SH3GL2: variants seen among roughly 807,000 people sequenced by gnomAD.
SH3GL2 encodes endophilin-A1.
SH3GL2 carries 24 observed loss-of-function variants against 46.0 expected under a neutral mutation model. The observed-to-expected ratio is 0.52, with a 90% CI of 0.38 to 0.73. The LOEUF (loss-of-function observed/expected upper bound fraction) is 0.73. Among genes scored for constraint, SH3GL2 ranks in the 30% least tolerant of loss-of-function variants. The pLI is 0.00. For missense variants in SH3GL2, 413 were observed against 424.2 expected, an observed-to-expected ratio of 0.97 and a Z score of 0.23; for synonymous variants, 196 against 147.1, an observed-to-expected ratio of 1.33 and a Z score of -2.40.
chr9:17,740,783 TTA>T lies in SH3GL2; in HGVS notation c.46-6282_46-6281del, dbSNP rs545853287. ...TTATTAAGGAATAATAATCCCTTAT[TTA>T]AATTATGATTTTTGACAGTTGACAA... On this transcript the variant is annotated intron_variant, in intron 1 of 8. Transcript: ENST00000380607. Among the ~76,000 whole-genome samples the T allele has an allele frequency of 1.5e-3, 164 of 109,512 alleles. 1 individual carries two copies. Among genetic ancestry groups the T allele is most frequent in the African/African-American group, 6.0e-3 (155 of 25,952 alleles). The allele number at this position is 109,512 out of a possible 152,430, so 71.8% of individuals were successfully genotyped here.
At chr9:17,593,202 G>T (rs1467434190) in intron 1 of SH3GL2, among the ~76,000 whole-genome samples, 1 of 152,208 alleles carries the variant, frequency 6.6e-6, no homozygotes, top group East Asian at 1.9e-4. Flanking sequence ...TCCGTGTGCT[G>T]CTCTGGCAAA....
intron 1 of SH3GL2, among the ~76,000 whole-genome samples, chr9:17,595,929 C>T (rs954308666): frequency 1.3e-5 from 2 of 152,032 alleles, no homozygotes; most frequent in Non-Finnish European, 2.9e-5. Context: ...TATTCCTGGT[C>T]AGTGGGTTTA....
At chr9:17,692,482 C>G (rs1047676052) in intron 1 of SH3GL2, among the ~76,000 whole-genome samples, 2 of 151,896 alleles carry the variant, frequency 1.3e-5, no homozygotes, top group African/African-American at 4.8e-5. Context: ...CCCATCTCTA[C>G]TAAAAATACA....
intron 1 of SH3GL2, among the ~76,000 whole-genome samples, chr9:17,637,368 A>G (rs1819564746): frequency 1.3e-5 from 2 of 152,200 alleles, no homozygotes; most frequent in Admixed American, 1.3e-4. Flanking sequence ...AGGCTGTTTT[A>G]GAACTCTGGG....
intron 1 of SH3GL2, among the ~76,000 whole-genome samples, chr9:17,636,135 G>A (rs549731677): frequency 2.0e-5 from 3 of 152,322 alleles, no homozygotes; most frequent in South Asian, 2.1e-4. Context: ...AGGTGCTTAT[G>A]TATGGAATAT....
chr9:17,702,107 A>T (rs1409333318), intron 1 of SH3GL2, among the ~76,000 whole-genome samples: 3 of 152,174 alleles, frequency 2.0e-5, no homozygotes, highest in Non-Finnish European at 4.4e-5. Context: ...ATAGTTTAAC[A>T]TAAGATACAA....
intron 1 of SH3GL2, among the ~76,000 whole-genome samples, chr9:17,685,963 G>A (rs1214979243): frequency 6.7e-6 from 1 of 148,314 alleles, no homozygotes; most frequent in Non-Finnish European, 1.5e-5. Context: ...AAACTAAAGA[G>A]CTTCTGCACA....
chr9:17,594,798 C>T lies in SH3GL2; in HGVS notation c.45+15511C>T, dbSNP rs547246646. 1.4e-3 allele frequency among the ~76,000 whole-genome samples: 210 copies of T among 152,262 alleles called. 2 individuals carry two copies. The highest frequency in any genetic ancestry group is 4.9e-3 in the African/African-American group (203 of 41,556). On this transcript the variant is annotated intron_variant, in intron 1 of 8. Coordinates refer to ENST00000380607, the MANE Select transcript of SH3GL2 (RefSeq NM_003026.5). Reference sequence around the variant, plus strand: ...CTATACTTCATTCTGTTGCCAGTTCCTAGCCTGTAGTGGGCATTTAATTGA... The same window carrying T: ...CTATACTTCATTCTGTTGCCAGTTCTTAGCCTGTAGTGGGCATTTAATTGA...
intron 2 of SH3GL2, among the ~76,000 whole-genome samples, chr9:17,758,318 T>C (rs1043757626): frequency 1.3e-5 from 2 of 152,040 alleles, no homozygotes; most frequent in Non-Finnish European, 1.5e-5. Context: ...CCCAGCACTT[T>C]GGAAGGCCAA....
intron 2 of SH3GL2, among the ~76,000 whole-genome samples, chr9:17,751,151 G>C (rs1822832126): frequency 1.3e-5 from 2 of 152,144 alleles, no homozygotes; most frequent in South Asian, 4.1e-4. Flanking sequence ...ATGTCTATAG[G>C]CCCTTTAATA....
intron 3 of SH3GL2, among the ~76,000 whole-genome samples, chr9:17,786,072 G>A (rs1823947683): frequency 6.6e-6 from 1 of 152,134 alleles, no homozygotes; most frequent in African/African-American, 2.4e-5. Flanking sequence ...AGTCACTGCA[G>A]GGGCCACCAC....
chr9:17,604,173 C>A (rs1818719309), intron 1 of SH3GL2, among the ~76,000 whole-genome samples: 1 of 152,212 alleles, frequency 6.6e-6, no homozygotes, highest in Admixed American at 6.5e-5. Context: ...GGTATTTACC[C>A]CCTCCTGCGT....
At chr9:17,747,013 A>AT in intron 1 of SH3GL2, 53 bp from the exon 2 acceptor site, 1 of 1,258,774 alleles carries the variant, frequency 7.9e-7, no homozygotes, top group Non-Finnish European at 1.1e-6. Flanking sequence ...TTTCTAACAC[A>AT]TTTTTTAAAG....
chr9:17,675,561 T>A (rs1286504186), intron 1 of SH3GL2, among the ~76,000 whole-genome samples: 1 of 152,232 alleles, frequency 6.6e-6, no homozygotes, highest in Non-Finnish European at 1.5e-5. Context: ...GTCTTTGCTC[T>A]GCAAGGGAGG....
At chr9:17,794,026 C>T (rs1049125766) in intron 8 of SH3GL2, among the ~76,000 whole-genome samples, 2 of 152,220 alleles carry the variant, frequency 1.3e-5, no homozygotes, top group African/African-American at 2.4e-5. Context: ...TTTTGAAACT[C>T]GACACTTGCT....
chr9:17,680,524 T>A (rs1450787024), intron 1 of SH3GL2, among the ~76,000 whole-genome samples: 3 of 152,192 alleles, frequency 2.0e-5, no homozygotes, highest in Admixed American at 1.3e-4. Context: ...CTCTCTTTTC[T>A]TCTTTATTAG....
intron 1 of SH3GL2, among the ~76,000 whole-genome samples, chr9:17,656,132 A>G (rs1018797778): frequency 5.9e-5 from 9 of 152,120 alleles, no homozygotes; most frequent in African/African-American, 2.2e-4. Flanking sequence ...CAATACTCCA[A>G]TTTCTTTATT....
chr9:17,738,661 G>GAGAGAGAGAGAGAGAGAGAGAGAC (rs371733137), intron 1 of SH3GL2, among the ~76,000 whole-genome samples: 24 of 132,172 alleles, frequency 1.8e-4, no homozygotes, highest in African/African-American at 5.9e-4. Context: ...GAGAGAGAGA[G>GAGAGAGAGAGAGAGAGAGAGAGAC]AGAGAGAGAG....
intron 1 of SH3GL2, among the ~76,000 whole-genome samples, chr9:17,739,812 C>T (rs1360950366): frequency 6.6e-6 from 1 of 152,060 alleles, no homozygotes; most frequent in Non-Finnish European, 1.5e-5. Context: ...TAATTTGCCC[C>T]ATAGTCTATG....
Sources: allele counts gnomAD v4.1 joint callset (sites outside exome capture counted in the v4.1 genomes callset), GRCh38; gene constraint gnomAD v4.1.1; transcripts MANE v1.5; gene names NCBI Gene and HGNC (gene_info 2026-07-23, HGNC 2026-07-21).